The following RUFY1 variants were observed in gnomAD, a reference collection of about 807,000 sequenced individuals.
RUFY1 encodes RUN and FYVE domain-containing protein 1.
In RUFY1, 54 loss-of-function variants were observed where a neutral mutation model predicts 94.6. The observed-to-expected ratio is 0.57, with a 90% CI of 0.46 to 0.72. The LOEUF is 0.72. Among genes scored for constraint, RUFY1 ranks in the 30% least tolerant of loss-of-function variants. RUFY1 has a pLI of 0.00. For missense variants in RUFY1, 883 were observed against 883.9 expected, an observed-to-expected ratio of 1.00 and a Z score of 0.01; for synonymous variants, 396 against 347.3, an observed-to-expected ratio of 1.14 and a Z score of -1.56.
At chr5:179,557,349 G>A (rs1309079882) in intron 1 of RUFY1, among the ~76,000 whole-genome samples, 1 of 152,158 alleles carries the variant, frequency 6.6e-6, no homozygotes, top group Non-Finnish European at 1.5e-5. Context: ...AGAATCTCTT[G>A]AACCCAGGAG....
chr5:179,608,920 CAAAAAAAAAAA>C lies in RUFY1; in HGVS notation c.1984-450_1984-440del, dbSNP rs57127812. ...CACCCCAGCCTGGGCGACAGAGACTCAAAAAAAAAAAAAAAAGCCGGGCGCGGTGTTTCACG... is the reference window on the plus strand; with the variant it reads ...CACCCCAGCCTGGGCGACAGAGACTCAAAAAGCCGGGCGCGGTGTTTCACG... On this transcript the variant is annotated intron_variant, in intron 17 of 17. Coordinates refer to ENST00000319449, the MANE Select transcript of RUFY1 (RefSeq NM_025158.5). Among the ~76,000 whole-genome samples, 422 of 121,804 alleles carry C rather than the reference CAAAAAAAAAAA, an allele frequency of 3.5e-3. 2 individuals carry two copies. Among genetic ancestry groups the C allele is most frequent in the African/African-American group, 0.012 (405 of 32,426 alleles). The allele number at this position is 121,804 out of a possible 152,430, so 79.9% of individuals were successfully genotyped here.
intron 10 of RUFY1, 111 bp from the exon 11 acceptor site, chr5:179,593,367 C>A: frequency 7.7e-7 from 1 of 1,302,266 alleles, no homozygotes; most frequent in Non-Finnish European, 1.1e-6. Context: ...GCATGAGCCA[C>A]CACACCCAGC....
intron 7 of RUFY1, among the ~76,000 whole-genome samples, chr5:179,583,051 C>G (rs917712750): frequency 6.6e-6 from 1 of 151,836 alleles, no homozygotes; most frequent in Non-Finnish European, 1.5e-5. Context: ...GATTGTAATC[C>G]CAGCACTTTG....
Position 179,550,810 on chromosome 5 carries a change from T to G in RUFY1, c.241T>G (p.Cys81Gly). The G allele has an allele frequency of 7.7e-7, 1 of 1,294,572 alleles. No homozygotes were observed. The highest frequency in any genetic ancestry group is 9.8e-7 in the Non-Finnish European group (1 of 1,023,430). 80.2% of individuals were successfully genotyped at this position (1,294,572 alleles called of 1,614,324 possible). The change falls in exon 1 of 18, where the codon TGC becomes GGC. Residue 81 changes from cysteine to glycine, a missense_variant. Physicochemically the swap from Cys to Gly is radical, Grantham distance 159. Coordinates refer to ENST00000319449, the MANE Select transcript of RUFY1 (RefSeq NM_025158.5). ...GGCCACCGGGAACCTGTCGGCGAGC[T>G]GCGGGAGCGCGCTGCGCGCGGCCGC... is the stretch of plus-strand genomic sequence containing the variant. ...RRATGNLSASCGSALRAAAGL... is the reference protein window; with the variant it reads ...RRATGNLSASGGSALRAAAGL...
At chr5:179,576,983 G>A in intron 5 of RUFY1, 92 bp from the exon 6 acceptor site, 9 of 889,834 alleles carry the variant, frequency 1.0e-5, no homozygotes, top group African/African-American at 1.7e-5. Context: ...TCATAGGAAA[G>A]AGATAAGAAT....
At chr5:179,604,097 G>A (rs945516728) in intron 15 of RUFY1, among the ~76,000 whole-genome samples, 2 of 152,128 alleles carry the variant, frequency 1.3e-5, no homozygotes, top group Non-Finnish European at 2.9e-5. Flanking sequence ...CTTTGTGGCC[G>A]CCTGGCACTA....
chr5:179,607,405 G>GGCCAGAC (rs1767212384), intron 16 of RUFY1, 177 bp from the exon 17 acceptor site: 1 of 619,176 alleles, frequency 1.6e-6, no homozygotes, highest in Non-Finnish European at 2.9e-6. Flanking sequence ...TCCCGGCTGC[G>GGCCAGAC]GCCAGACGGG....
At chr5:179,571,090 A>G (rs1460093959) in intron 5 of RUFY1, among the ~76,000 whole-genome samples, 1 of 152,232 alleles carries the variant, frequency 6.6e-6, no homozygotes, top group Non-Finnish European at 1.5e-5. Context: ...TATGTTCCAC[A>G]CAGTTCTCAA....
intron 17 of RUFY1, among the ~76,000 whole-genome samples, 162 bp from the exon 18 acceptor site, chr5:179,609,206 CAAAAAAAA>C (rs5873655): frequency 3.3e-5 from 4 of 121,432 alleles, no homozygotes; most frequent in Non-Finnish European, 6.5e-5. Context: ...GACTCTATCT[CAAAAAAAA>C]AAAAAAAAAA....
At chr5:179,576,997 A>G in intron 5 of RUFY1, 78 bp from the exon 6 acceptor site, 1 of 980,456 alleles carries the variant, frequency 1.0e-6, no homozygotes, top group Non-Finnish European at 1.6e-6. Context: ...TAAGAATGAA[A>G]TACCTGAATT....
At chr5:179,580,241 G>GTGTGTGTGTGTGTGTGTGTATATA (rs149099074) in intron 6 of RUFY1, among the ~76,000 whole-genome samples, 2 of 93,852 alleles carry the variant, frequency 2.1e-5, no homozygotes, top group Non-Finnish European at 4.7e-5. Flanking sequence ...GTGTGTGTGT[G>GTGTGTGTGTGTGTGTGTGTATATA]TATATTTTTT....
chr5:179,572,219 G>T, intron 5 of RUFY1: 1 of 299,874 alleles, frequency 3.3e-6, no homozygotes, highest in South Asian at 2.9e-5. Context: ...TGCCCTGGTG[G>T]ATGGCGCCTT....
In RUFY1 at chr5:179,550,646, C is replaced by T; in HGVS notation, c.77C>T (p.Pro26Leu). 1 of 1,412,150 alleles carries T rather than the reference C, an allele frequency of 7.1e-7. No individual in the cohort carries two copies. The highest frequency in any genetic ancestry group is 1.3e-5 in the South Asian group (1 of 75,066). 87.5% of individuals were successfully genotyped at this position (1,412,150 alleles called of 1,614,324 possible). A position where few individuals can be genotyped will look rare whatever the true frequency, so the allele number is the denominator to read the frequency against. ...CCGGAGCTGGAGCCGGGGCCGGGGCCCGGGTCAGCGCTTGAGCCGGGAGAA... is the reference window on the plus strand; with the variant it reads ...CCGGAGCTGGAGCCGGGGCCGGGGCTCGGGTCAGCGCTTGAGCCGGGAGAA... ...LEPELEPGPGPGSALEPGEEF... is the reference protein window; with the variant it reads ...LEPELEPGPGLGSALEPGEEF... The change falls in exon 1 of 18, where the codon CCC (proline) becomes CTC (leucine). Residue 26 changes from proline to leucine, a missense_variant. By Grantham distance (98) the Pro-to-Leu change is moderately conservative. Coordinates refer to ENST00000319449, the MANE Select transcript of RUFY1 (RefSeq NM_025158.5).
chr5:179,586,049 A>G (rs1764583607), intron 8 of RUFY1, among the ~76,000 whole-genome samples, 184 bp downstream of exon 8: 1 of 152,186 alleles, frequency 6.6e-6, no homozygotes, highest in Non-Finnish European at 1.5e-5. Flanking sequence ...CCAGTGAGAC[A>G]CTGCAGCGGA....
At chr5:179,569,082 CAGG>C (rs746147780) in intron 4 of RUFY1, 26 of 984,598 alleles carry the variant, frequency 2.6e-5, no homozygotes, top group Middle Eastern at 5.2e-4. Context: ...TAACTTTAGA[CAGG>C]AGGAGAGGCG....
chr5:179,590,571 G>A (rs1387862830), intron 9 of RUFY1, among the ~76,000 whole-genome samples: 2 of 148,316 alleles, frequency 1.3e-5, no homozygotes, highest in African/African-American at 2.5e-5. Context: ...TGCAAGCTCC[G>A]CCTCCCAGGT....
chr5:179,602,029 G>C (rs773320961), intron 15 of RUFY1, 43 bp downstream of exon 15: 3 of 1,498,126 alleles, frequency 2.0e-6, no homozygotes, highest in Non-Finnish European at 2.8e-6. Context: ...AGGCACACCA[G>C]GCTACCCACC....
chr5:179,569,151 A>G (rs539303843), intron 4 of RUFY1, 151 bp from the exon 5 acceptor site: 2 of 1,520,902 alleles, frequency 1.3e-6, no homozygotes, highest in Non-Finnish European at 1.8e-6. Flanking sequence ...GCAGCCGTTG[A>G]AGCAGTGAAG....
chr5:179,594,809 G>C, intron 11 of RUFY1, 57 bp from the exon 12 acceptor site: 1 of 897,868 alleles, frequency 1.1e-6, no homozygotes, highest in Admixed American at 2.0e-5. Flanking sequence ...TTGTAATCCA[G>C]AGCAGGTGCA....
Sources: gnomAD v4.1 joint callset for allele counts (sites outside exome capture counted in the v4.1 genomes callset) on GRCh38, gnomAD v4.1.1 for gene constraint, MANE v1.5 for transcripts, NCBI Gene and HGNC (gene_info 2026-07-23, HGNC 2026-07-21) for gene names.